PLD1: variants seen among roughly 807,000 people sequenced by gnomAD.
The protein encoded by PLD1 is choline phosphatase 1.
Under a neutral mutation model 137.1 loss-of-function variants are expected in PLD1, and 112 were observed. That is an observed-to-expected ratio of 0.82 (90% CI 0.70 to 0.96). The LOEUF (loss-of-function observed/expected upper bound fraction) is 0.96, where lower values mean the gene tolerates loss of function less well. Among genes scored for constraint, PLD1 ranks in the 40% least tolerant of loss-of-function variants. The pLI is 0.00. For missense variants in PLD1, 1,321 were observed against 1,342.0 expected, an observed-to-expected ratio of 0.98 and a Z score of 0.24; for synonymous variants, 431 against 454.7, an observed-to-expected ratio of 0.95 and a Z score of 0.66.
rs145349751 is a variant in PLD1 at position 171,696,846 on chromosome 3, C to T, written c.1227+2899G>A. Among the ~76,000 whole-genome samples the T allele has an allele frequency of 1.4e-3, 214 of 152,018 alleles. 3 individuals are homozygous for T. The highest frequency in any genetic ancestry group is 4.8e-3 in the African/African-American group (200 of 41,458). ...TATTTCTTTAGGAAATTTTAAATAT[C>T]GCTACCCACAGTTTAAAAATTACCA... On this transcript the variant is annotated intron_variant, in intron 12 of 26. Transcript: ENST00000351298.
rs752402428 is a variant in PLD1 at position 171,735,513 on chromosome 3, C to T, written c.413G>A (p.Arg138His). ...RELLKYKAFIRIPIPTRRHTF... is the reference protein window; with the variant it reads ...RELLKYKAFIHIPIPTRRHTF... ...TTACCTTCTAGTGGGAATGGGGATGCGGATAAAGGCTTTGTACTTGAGCAG... is the reference window on the plus strand; with the variant it reads ...TTACCTTCTAGTGGGAATGGGGATGTGGATAAAGGCTTTGTACTTGAGCAG... Residue 138 changes from arginine (R) to histidine (H), a missense_variant, in exon 4 of 27, where the codon CGC becomes CAC. Transcript: ENST00000351298. 22 of 1,612,978 alleles carry T rather than the reference C, an allele frequency of 1.4e-5. No homozygotes were observed. The highest frequency in any genetic ancestry group is 1.6e-5 in the Non-Finnish European group (19 of 1,179,146).
At chr3:171,678,354 T>G (rs548472302) in intron 16 of PLD1, among the ~76,000 whole-genome samples, 1 of 152,218 alleles carries the variant, frequency 6.6e-6, no homozygotes, top group African/African-American at 2.4e-5. Context: ...TTAACATTTA[T>G]ATACTTCAAA....
chr3:171,621,223 G>A (rs1156859699), intron 23 of PLD1, among the ~76,000 whole-genome samples: 3 of 152,008 alleles, frequency 2.0e-5, no homozygotes, highest in Non-Finnish European at 2.9e-5. Flanking sequence ...TAATCACATG[G>A]GGGCCATTCA....
intron 1 of PLD1, among the ~76,000 whole-genome samples, chr3:171,778,687 G>A (rs757495260): frequency 6.6e-6 from 1 of 152,226 alleles, no homozygotes; most frequent in Non-Finnish European, 1.5e-5. Context: ...CAACAAAAAG[G>A]CCAGTGTAGT....
At chr3:171,735,768 T>G (rs942095266) in intron 3 of PLD1, 131 bp from the exon 4 acceptor site, 2 of 602,638 alleles carry the variant, frequency 3.3e-6, no homozygotes, top group African/African-American at 3.7e-5. Flanking sequence ...TGTAAGTACT[T>G]AAGTAAATTT....
chr3:171,674,702 G>A, intron 18 of PLD1, 89 bp from the exon 19 acceptor site: 2 of 722,214 alleles, frequency 2.8e-6, no homozygotes, highest in Non-Finnish European at 4.7e-6. Flanking sequence ...TCATGCCCAG[G>A]TGCAGTGGCT....
At chr3:171,682,100 CAGAAAGAAAA>C (rs1714024735) in intron 16 of PLD1, among the ~76,000 whole-genome samples, 1 of 54,538 alleles carries the variant, frequency 1.8e-5, no homozygotes, top group African/African-American at 6.0e-5. Flanking sequence ...AAGTATAATA[CAGAAAGAAAA>C]AGAAAGAAAG....
intron 24 of PLD1, among the ~76,000 whole-genome samples, chr3:171,616,245 TTATC>T (rs557834951): frequency 5.5e-4 from 84 of 152,324 alleles, no homozygotes; most frequent in African/African-American, 2.0e-3. Context: ...AGTTTGTGGT[TTATC>T]TTTTTATTCT....
At chr3:171,741,164 A>T (rs190482902) in intron 1 of PLD1, among the ~76,000 whole-genome samples, 1 of 152,264 alleles carries the variant, frequency 6.6e-6, no homozygotes, top group Admixed American at 6.5e-5. Context: ...TTAGCCTTTT[A>T]CTTTTATGGT....
chr3:171,697,671 T>G lies in PLD1; in HGVS notation c.1227+2074A>C, dbSNP rs114931875. ...AAAGTCTTTGGCACTGCTGTTTACA[T>G]CTACTACACCTAGAAAGTTCTTCTT... On this transcript the variant is annotated intron_variant, in intron 12 of 26. Coordinates refer to ENST00000351298, the MANE Select transcript of PLD1 (RefSeq NM_002662.5). Among the ~76,000 whole-genome samples, 636 of 152,308 alleles carry G rather than the reference T, an allele frequency of 4.2e-3. 4 individuals carry two copies. The highest frequency in any genetic ancestry group is 0.015 in the African/African-American group (608 of 41,574).
intron 19 of PLD1, among the ~76,000 whole-genome samples, chr3:171,662,435 G>T (rs1398913304): frequency 6.6e-6 from 1 of 152,124 alleles, no homozygotes; most frequent in Non-Finnish European, 1.5e-5. Flanking sequence ...TTTCATCCAG[G>T]ATTATTTTCA....
At chr3:171,775,244 T>C (rs1055417862) in intron 1 of PLD1, among the ~76,000 whole-genome samples, 1 of 152,174 alleles carries the variant, frequency 6.6e-6, no homozygotes, top group Non-Finnish European at 1.5e-5. Flanking sequence ...CATTAGTTAT[T>C]GCAATATCTC....
At chr3:171,625,297 G>C (rs1235064199) in intron 23 of PLD1, among the ~76,000 whole-genome samples, 3 of 152,232 alleles carry the variant, frequency 2.0e-5, no homozygotes, top group Non-Finnish European at 4.4e-5. Flanking sequence ...AGCGAGGCTG[G>C]GGGAGGGGCG....
chr3:171,794,685 TA>T (rs11310296), intron 1 of PLD1, among the ~76,000 whole-genome samples: 127,990 of 151,052 alleles, frequency 0.85, 54,353 homozygotes, highest in Middle Eastern at 0.95. Context: ...CCTCTAGTAT[TA>T]AAAAAAAAAA....
At chr3:171,715,198 G>A (rs1173609502) in intron 8 of PLD1, among the ~76,000 whole-genome samples, 2 of 152,164 alleles carry the variant, frequency 1.3e-5, no homozygotes, top group East Asian at 1.9e-4. Flanking sequence ...TCCCAGCACT[G>A]TTTACTGAAG....
chr3:171,649,105 T>G (rs1366754015), intron 21 of PLD1, among the ~76,000 whole-genome samples: 1 of 152,168 alleles, frequency 6.6e-6, no homozygotes, highest in East Asian at 1.9e-4. Context: ...ACAGTTCTAT[T>G]TTATCTTTTT....
At chr3:171,705,663 CT>C (rs1560235175) in intron 11 of PLD1, among the ~76,000 whole-genome samples, 1 of 152,162 alleles carries the variant, frequency 6.6e-6, no homozygotes, top group East Asian at 1.9e-4. Flanking sequence ...TAATAAAACA[CT>C]ACTGTATACC....
chr3:171,779,900 A>G (rs946242808), intron 1 of PLD1, among the ~76,000 whole-genome samples: 1 of 151,854 alleles, frequency 6.6e-6, no homozygotes, highest in African/African-American at 2.4e-5. Flanking sequence ...TTGTATACGT[A>G]AGTCTGAGAT....
At chr3:171,723,491 C>T (rs4635737) in intron 8 of PLD1, among the ~76,000 whole-genome samples, 54,860 of 151,938 alleles carry the variant, frequency 0.36, 11,007 homozygotes, top group African/African-American at 0.52. Context: ...TATACCTAGA[C>T]GTGGAACTGC....
Sources: allele counts gnomAD v4.1 joint callset (sites outside exome capture counted in the v4.1 genomes callset), GRCh38; gene constraint gnomAD v4.1.1; transcripts MANE v1.5; gene names NCBI Gene and HGNC (gene_info 2026-07-23, HGNC 2026-07-21).